SLC39A12: variants seen among roughly 807,000 people sequenced by gnomAD.
The protein encoded by SLC39A12 is solute carrier family 39 member 12.
SLC39A12 carries 63 observed loss-of-function variants against 71.1 expected under a neutral mutation model. That is an observed-to-expected ratio of 0.89 (90% CI 0.72 to 1.09). The LOEUF (loss-of-function observed/expected upper bound fraction) is 1.09, where lower values mean the gene tolerates loss of function less well. Ranked by LOEUF, SLC39A12 falls within the 50% of genes least tolerant of loss-of-function variation. The pLI is 0.00. For synonymous variants in SLC39A12, 351 were observed against 301.3 expected (o/e 1.16, Z -1.71); for missense variants, 892 against 812.6 (o/e 1.10, Z -1.19).
intron 12 of SLC39A12, among the ~76,000 whole-genome samples, chr10:18,016,119 C>T (rs1240066494): frequency 1.3e-5 from 2 of 152,140 alleles, no homozygotes; most frequent in African/African-American, 4.8e-5. Context: ...GACAAATGGA[C>T]GATGACACAT....
At chr10:17,973,769 T>C (rs1835035017) in intron 4 of SLC39A12, among the ~76,000 whole-genome samples, 1 of 152,156 alleles carries the variant, frequency 6.6e-6, no homozygotes, top group African/African-American at 2.4e-5. Context: ...TGGATATTGA[T>C]GGCTTTCTTT....
At chr10:17,980,068 A>G (rs1346361207) in intron 5 of SLC39A12, among the ~76,000 whole-genome samples, 1 of 152,154 alleles carries the variant, frequency 6.6e-6, no homozygotes. Flanking sequence ...AAGATCATGC[A>G]TCTTTGATTT....
chr10:17,970,720 G>A (rs516077), intron 4 of SLC39A12, among the ~76,000 whole-genome samples: 109,727 of 150,130 alleles, frequency 0.73, 41,219 homozygotes, highest in African/African-American at 0.92. Flanking sequence ...GTGTGTGTAG[G>A]TGAAACATAA....
chr10:17,959,367 A>C (rs1010329837), intron 2 of SLC39A12, among the ~76,000 whole-genome samples: 1 of 152,020 alleles, frequency 6.6e-6, no homozygotes, highest in Non-Finnish European at 1.5e-5. Context: ...TGGGTTCAGG[A>C]GAGATTAAAG....
intron 12 of SLC39A12, among the ~76,000 whole-genome samples, chr10:18,035,322 T>C (rs568956876): frequency 3.1e-4 from 43 of 137,228 alleles, no homozygotes; most frequent in Non-Finnish European, 4.4e-4. Context: ...CATAGTCCCA[T>C]ATTTCTTGGA....
intron 8 of SLC39A12, among the ~76,000 whole-genome samples, chr10:17,991,982 G>C (rs187322745): frequency 1.3e-5 from 2 of 150,538 alleles, no homozygotes; most frequent in Admixed American, 1.3e-4. Flanking sequence ...CCAGGTACTA[G>C]GGAGGCTGAG....
chr10:18,037,288 A>G (rs1274140275), intron 12 of SLC39A12, among the ~76,000 whole-genome samples: 1 of 152,212 alleles, frequency 6.6e-6, no homozygotes, highest in Non-Finnish European at 1.5e-5. Flanking sequence ...CATGAAGTGC[A>G]GTGACATTTT....
intron 4 of SLC39A12, among the ~76,000 whole-genome samples, chr10:17,970,834 C>CT (rs1834951723): frequency 6.6e-6 from 1 of 151,936 alleles, no homozygotes; most frequent in Admixed American, 6.5e-5. Flanking sequence ...ATGTCCAGTA[C>CT]TATGTTTAAT....
intron 12 of SLC39A12, among the ~76,000 whole-genome samples, chr10:18,009,149 A>T (rs1199130137): frequency 6.6e-6 from 1 of 152,152 alleles, no homozygotes; most frequent in Non-Finnish European, 1.5e-5. Flanking sequence ...CATTTTTCCT[A>T]GGGTTTTTAG....
intron 5 of SLC39A12, among the ~76,000 whole-genome samples, chr10:17,980,034 C>T (rs1002491971): frequency 1.3e-5 from 2 of 152,044 alleles, no homozygotes; most frequent in African/African-American, 2.4e-5. Flanking sequence ...GAGGAGGGCA[C>T]GGGTGGGAAG....
chr10:18,034,476 C>G (rs1431390253), intron 12 of SLC39A12, among the ~76,000 whole-genome samples: 2 of 151,878 alleles, frequency 1.3e-5, no homozygotes, highest in Non-Finnish European at 2.9e-5. Flanking sequence ...CAACCCCTGC[C>G]TTTTTTTGTT....
At chr10:18,041,866 T>C (rs1450040492) in intron 12 of SLC39A12, among the ~76,000 whole-genome samples, 1 of 148,486 alleles carries the variant, frequency 6.7e-6, no homozygotes, top group Non-Finnish European at 1.5e-5. Context: ...TACATACATA[T>C]GTATATGTAT....
At chr10:17,991,471 T>A (rs1050109955) in intron 8 of SLC39A12, among the ~76,000 whole-genome samples, 168 bp downstream of exon 8, 6 of 152,212 alleles carry the variant, frequency 3.9e-5, no homozygotes, top group African/African-American at 1.4e-4. Flanking sequence ...ATTAATTTTT[T>A]AAAATATCTA....
intron 4 of SLC39A12, among the ~76,000 whole-genome samples, chr10:17,969,578 TTG>T (rs1834918307): frequency 6.6e-6 from 1 of 152,318 alleles, no homozygotes; most frequent in Admixed American, 6.5e-5. Flanking sequence ...TGTTTGCCAT[TTG>T]TATGTCTTAT....
intron 9 of SLC39A12, among the ~76,000 whole-genome samples, chr10:17,994,928 T>C (rs1409743990): frequency 6.6e-6 from 1 of 151,860 alleles, no homozygotes. Flanking sequence ...AGATAAAAAG[T>C]TTTTTTATAG....
In SLC39A12 at chr10:18,000,779, G is replaced by C; in HGVS notation, c.1713G>C (p.Val571=). The part of the protein sequence containing the change: ...AAFSSSSESG[V]TTTIAILCHE... Reference sequence around the variant, plus strand: ...TCTCATCATCATCCGAGTCAGGAGTGACCACTACGATTGCTATCTTGTGTC... The same window carrying C: ...TCTCATCATCATCCGAGTCAGGAGTCACCACTACGATTGCTATCTTGTGTC... Residue 571 remains valine, a synonymous_variant, in exon 11 of 13, where the codon GTG becomes GTC. Transcript: ENST00000377369. 2 of 1,614,132 alleles carry C rather than the reference G, an allele frequency of 1.2e-6. No homozygotes were observed. The highest frequency in any genetic ancestry group is 1.7e-6 in the Non-Finnish European group (2 of 1,180,014).
Position 18,003,368 on chromosome 10 carries a change from G to A in SLC39A12, c.1947+10G>A, listed in dbSNP as rs1056513484. ...ATCCTTGGTTGAAATGGTAAGCTTG[G>A]TGGCTTTTCTATTTGATTTTTCTAA... On this transcript the variant is annotated intron_variant, in intron 12 of 12. Transcript: ENST00000377369. 1.3e-6 allele frequency: 2 copies of A among 1,589,944 alleles called. No homozygotes were observed. The highest frequency in any genetic ancestry group is 1.7e-6 in the Non-Finnish European group (2 of 1,171,794).
intron 12 of SLC39A12, among the ~76,000 whole-genome samples, chr10:18,038,880 A>G (rs1166928624): frequency 1.3e-5 from 2 of 152,196 alleles, no homozygotes; most frequent in Non-Finnish European, 2.9e-5. Flanking sequence ...TGGAAATTCA[A>G]AAGTGAGCTT....
intron 3 of SLC39A12, among the ~76,000 whole-genome samples, chr10:17,962,910 C>G (rs1163308313): frequency 2.0e-5 from 3 of 152,106 alleles, no homozygotes; most frequent in Non-Finnish European, 4.4e-5. Flanking sequence ...AATCCCAACA[C>G]TTTGGGAGGC....
Sources: allele counts gnomAD v4.1 joint callset (sites outside exome capture counted in the v4.1 genomes callset), GRCh38; gene constraint gnomAD v4.1.1; transcripts MANE v1.5; gene names NCBI Gene and HGNC (gene_info 2026-07-23, HGNC 2026-07-21).